TJP1: variants seen among roughly 807,000 people sequenced by gnomAD.
TJP1 encodes the protein tight junction protein 1, also known as tight junction protein ZO-1.
TJP1 carries 43 observed loss-of-function variants against 194.2 expected under a neutral mutation model. The observed-to-expected ratio is 0.22, with a 90% CI of 0.17 to 0.29. The LOEUF is 0.29. Ranked by LOEUF, TJP1 falls within the 10% of genes least tolerant of loss-of-function variation. The pLI is 1.00. For synonymous variants in TJP1, 801 were observed against 779.0 expected (o/e 1.03, Z -0.47); for missense variants, 1,971 against 2,185.7 (o/e 0.90, Z 1.96).
chr15:29,790,751 C>CTTTTTTTTTT (rs926624507), intron 2 of TJP1, among the ~76,000 whole-genome samples: 1 of 130,794 alleles, frequency 7.6e-6, no homozygotes, highest in Non-Finnish European at 1.7e-5. Flanking sequence ...GTTCATTTTT[C>CTTTTTTTTTT]TTTTTTTTTT....
intron 2 of TJP1, among the ~76,000 whole-genome samples, chr15:29,898,193 T>G (rs558801898): frequency 2.0e-5 from 3 of 152,266 alleles, no homozygotes; most frequent in East Asian, 3.9e-4. Flanking sequence ...GGGTCTTTCC[T>G]GTGCTGTTCT....
At chr15:29,734,462 G>A (rs911954022) in intron 11 of TJP1, 80 bp from the exon 12 acceptor site, 3 of 985,090 alleles carry the variant, frequency 3.0e-6, no homozygotes, top group Non-Finnish European at 4.5e-6. Flanking sequence ...GATACTCTCA[G>A]TCTACCTAAT....
In TJP1 at chr15:29,800,707, TA is replaced by T; in HGVS notation, c.28-6del. The T allele has an allele frequency of 6.2e-7, 1 of 1,613,162 alleles. No individual in the cohort carries two copies. Among genetic ancestry groups the T allele is most frequent in the Non-Finnish European group, 8.5e-7 (1 of 1,179,790 alleles). ...TGTTTCCTCCATTGCTGTGCTCTGA[TA>T]AAGGAAAAGAAAAACAAATCATTTA... is the stretch of plus-strand genomic sequence containing the variant. On this transcript the variant is annotated splice_polypyrimidine_tract_variant and splice_region_variant and intron_variant, in intron 1 of 27. Coordinates refer to ENST00000614355, the MANE Select transcript of TJP1 (RefSeq NM_001330239.4).
chr15:29,884,101 C>T (rs184059399), intron 2 of TJP1, among the ~76,000 whole-genome samples: 2 of 152,310 alleles, frequency 1.3e-5, no homozygotes, highest in Admixed American at 1.3e-4. Flanking sequence ...GAAAGCACAC[C>T]TTTTCCTCCT....
At chr15:29,817,642 T>C (rs1452804717) in intron 1 of TJP1, among the ~76,000 whole-genome samples, 4 of 152,178 alleles carry the variant, frequency 2.6e-5, no homozygotes, top group Non-Finnish European at 5.9e-5. Flanking sequence ...CACCATGGTA[T>C]ACTATGCAGC....
intron 8 of TJP1, among the ~76,000 whole-genome samples, chr15:29,760,765 A>G (rs1336367999): frequency 1.3e-5 from 2 of 152,198 alleles, no homozygotes; most frequent in Non-Finnish European, 2.9e-5. Flanking sequence ...CAAGCAGTAG[A>G]TTTCTGAAGC....
chr15:29,930,911 T>C (rs2054687435), intron 2 of TJP1, among the ~76,000 whole-genome samples: 1 of 152,158 alleles, frequency 6.6e-6, no homozygotes, highest in African/African-American at 2.4e-5. Flanking sequence ...TGTCTAGACA[T>C]GAGCATAAAA....
At chr15:29,762,713 C>T (rs554434933) in intron 5 of TJP1, among the ~76,000 whole-genome samples, 32 of 152,242 alleles carry the variant, frequency 2.1e-4, no homozygotes, top group African/African-American at 7.7e-4. Flanking sequence ...CCCAAGAGGA[C>T]ACCATTTCTT....
At position 29,726,621 on chromosome 15, in the gene TJP1, T is replaced by C. The variant is rs1351576170; in HGVS notation, c.2312-142A>G. The C allele has an allele frequency of 4.5e-6, 5 of 1,123,070 alleles. No individual in the cohort carries two copies. The Admixed American group carries it at 1.3e-4, about 28-fold the overall frequency. 69.6% of individuals were successfully genotyped at this position (1,123,070 alleles called of 1,614,324 possible). On this transcript the variant is annotated intron_variant, in intron 17 of 27. Coordinates refer to ENST00000614355, the MANE Select transcript of TJP1 (RefSeq NM_001330239.4). ...ACATTTGAAATTTCTATTTTGCTAC[T>C]GTATATTTTCTTTTAACCAAACAGC...
Position 29,822,031 on chromosome 15 carries a change from TGTC to T in TJP1, c.-6_-4del. 1 of 1,352,218 alleles carries T rather than the reference TGTC, an allele frequency of 7.4e-7. No individual in the cohort carries two copies. The highest frequency in any genetic ancestry group is 9.5e-7 in the Non-Finnish European group (1 of 1,048,592). 83.8% of individuals were successfully genotyped at this position (1,352,218 alleles called of 1,614,324 possible). ...GCGGCCGCAGCTCTGGCGGACATCTTGTCTCTCTCCAGCGCCGCGCGAGGCTCC... is the reference window on the plus strand; with the variant it reads ...GCGGCCGCAGCTCTGGCGGACATCTTTCTCTCCAGCGCCGCGCGAGGCTCC... On this transcript the variant is annotated 5_prime_UTR_variant, in exon 1 of 28. Coordinates refer to ENST00000614355, the MANE Select transcript of TJP1 (RefSeq NM_001330239.4).
chr15:29,800,633 A>G lies in TJP1; in HGVS notation c.84+13T>C. 2 of 1,613,700 alleles carry G rather than the reference A, an allele frequency of 1.2e-6. No individual in the cohort carries two copies. The highest frequency in any genetic ancestry group is 1.7e-4 in the Middle Eastern group (1 of 6,058). ...GAGTTATACACAGATTACTTACTGC[A>G]ACACAAACTTACCCTGTGAAGCGTC... On this transcript the variant is annotated intron_variant, in intron 2 of 27. Coordinates refer to ENST00000614355, the MANE Select transcript of TJP1 (RefSeq NM_001330239.4).
At chr15:29,949,384 C>T (rs2055455510) in intron 2 of TJP1, among the ~76,000 whole-genome samples, 3 of 145,448 alleles carry the variant, frequency 2.1e-5, no homozygotes, top group Non-Finnish European at 3.0e-5. Flanking sequence ...CCACTGCTAC[C>T]TCCACCACCA....
chr15:29,758,692 A>G (rs915852180), intron 8 of TJP1, among the ~76,000 whole-genome samples: 3 of 152,180 alleles, frequency 2.0e-5, no homozygotes, highest in Admixed American at 6.5e-5. Context: ...CAAAGGTGCT[A>G]TATCACTGTG....
chr15:29,773,397 A>G (rs777552654), intron 2 of TJP1, 40 bp from the exon 3 acceptor site: 36 of 1,597,872 alleles, frequency 2.3e-5, no homozygotes, highest in Non-Finnish European at 2.9e-5. Flanking sequence ...TATTAAGGAC[A>G]AAAATAATTG....
chr15:29,950,186 A>ACAACCACTTCCATCTCCACCT, intron 2 of TJP1, among the ~76,000 whole-genome samples: 1 of 106,618 alleles, frequency 9.4e-6, no homozygotes, highest in Non-Finnish European at 2.0e-5. Flanking sequence ...CTCCACCTCC[A>ACAACCACTTCCATCTCCACCT]CCACCACCAC....
chr15:29,709,075 A>G, intron 24 of TJP1, 39 bp from the exon 25 acceptor site: 1 of 1,560,064 alleles, frequency 6.4e-7, no homozygotes, highest in African/African-American at 1.4e-5. Context: ...ACTTTCTGAA[A>G]AAAGTTATAA....
intron 8 of TJP1, among the ~76,000 whole-genome samples, chr15:29,747,263 C>G (rs1325460504): frequency 6.6e-6 from 1 of 152,100 alleles, no homozygotes; most frequent in Admixed American, 6.6e-5. Flanking sequence ...CCAGCCTGGG[C>G]AAGACAGCGA....
chr15:29,838,904 G>A (rs1038648274), intron 2 of TJP1, among the ~76,000 whole-genome samples: 12 of 151,194 alleles, frequency 7.9e-5, no homozygotes, highest in African/African-American at 2.7e-4. Context: ...GTTCATCACC[G>A]TAACTTCCTT....
chr15:29,726,825 T>G lies in TJP1; in HGVS notation c.2267A>C (p.Glu756Ala), dbSNP rs764124426. 1.2e-6 allele frequency: 2 copies of G among 1,614,146 alleles called. No homozygotes were observed. The highest frequency in any genetic ancestry group is 2.2e-5 in the South Asian group (2 of 91,082). The change falls in exon 17 of 28, where the codon GAG (glutamate) becomes GCG (alanine). Residue 756 changes from glutamate (E) to alanine (A), a missense_variant. Glu to Ala is a moderately radical substitution (Grantham distance 107). This residue lies in a region of TJP1 where 402 missense variants were observed against 484.2 expected (regional missense o/e 0.83). Coordinates refer to ENST00000614355, the MANE Select transcript of TJP1 (RefSeq NM_001330239.4). ...ESRKSARKLY[E>A]RSHKLRKNNH... ...ATTTTTACGAAGTTTATGAGATCGC[T>G]CGTATAACTTCCTGGCACTTTTCCG... is the stretch of plus-strand genomic sequence containing the variant.
Sources: gnomAD v4.1 joint callset for allele counts (sites outside exome capture counted in the v4.1 genomes callset) on GRCh38, gnomAD v4.1.1 for gene constraint, gnomAD v4.1.1 regional missense constraint, MANE v1.5 for transcripts, NCBI Gene and HGNC (gene_info 2026-07-23, HGNC 2026-07-21) for gene names.